Variants in FBXO4 observed in about 807,000 individuals in gnomAD.
FBXO4 encodes the protein F-box only protein 4.
FBXO4 carries 36 observed loss-of-function variants against 43.7 expected under a neutral mutation model. That is an observed-to-expected ratio of 0.82 (90% confidence interval 0.63 to 1.09). The LOEUF is 1.09. FBXO4 is among the 50% of genes least tolerant of loss of function. The pLI, the probability that FBXO4 is intolerant of heterozygous loss-of-function variation, is 0.00. For missense variants in FBXO4, 435 were observed against 474.1 expected (o/e 0.92, Z 0.77); for synonymous variants, 180 against 165.6 (o/e 1.09, Z -0.67).
At chr5:41,945,193 T>C (rs1383496810), downstream of FBXO4, among the ~76,000 whole-genome samples, 1 of 152,224 alleles carries the variant, frequency 6.6e-6, no homozygotes, top group Non-Finnish European at 1.5e-5. Context: ...TAAGAAACTT[T>C]CAATACAACT....
At chr5:42,037,706 C>T in the FBXO4 span, among the ~76,000 whole-genome samples, 8 of 152,106 alleles carry the variant, frequency 5.3e-5, no homozygotes, top group Non-Finnish European at 1.2e-4. Flanking sequence ...CTGACATCCA[C>T]TGGTCTGAAG....
the FBXO4 span, among the ~76,000 whole-genome samples, chr5:41,986,506 T>C: frequency 6.6e-6 from 1 of 152,160 alleles, no homozygotes; most frequent in Non-Finnish European, 1.5e-5. Context: ...CTTTCTTCCA[T>C]TCTGAAACAT....
chr5:41,934,907 T>G (rs1023519010), intron 5 of FBXO4: 44 of 983,110 alleles, frequency 4.5e-5, no homozygotes, highest in Admixed American at 6.0e-5. Context: ...TCCCAAATCC[T>G]TTGTGAACAA....
At chr5:41,953,171 A>G in the FBXO4 span, among the ~76,000 whole-genome samples, 1 of 124,178 alleles carries the variant, frequency 8.1e-6, no homozygotes, top group Non-Finnish European at 1.7e-5. Flanking sequence ...AACAGTCCCC[A>G]GAGTGTGATA....
chr5:41,943,451 C>T (rs1752033593), downstream of FBXO4, among the ~76,000 whole-genome samples: 1 of 152,006 alleles, frequency 6.6e-6, no homozygotes, highest in African/African-American at 2.4e-5. Context: ...ACAATAATAC[C>T]TACCTTGGAC....
In FBXO4 at chr5:41,941,425, A is replaced by G; in HGVS notation, c.*144A>G. On this transcript the variant is annotated 3_prime_UTR_variant, in exon 7 of 7. Coordinates refer to ENST00000281623, the MANE Select transcript of FBXO4 (RefSeq NM_012176.3). ...GACAGCTATAACTGCTGTGTTTTTTATATTATTTTTACTCTTTACCATAAA... is the reference window on the plus strand; with the variant it reads ...GACAGCTATAACTGCTGTGTTTTTTGTATTATTTTTACTCTTTACCATAAA... 2 of 522,082 alleles carry G rather than the reference A, an allele frequency of 3.8e-6. No homozygotes were observed. The highest frequency in any genetic ancestry group is 3.2e-5 in the South Asian group (1 of 30,844). 32.3% of individuals were successfully genotyped at this position (522,082 alleles called of 1,614,324 possible).
chr5:41,994,480 G>GT, the FBXO4 span, among the ~76,000 whole-genome samples: 12 of 152,248 alleles, frequency 7.9e-5, no homozygotes, highest in East Asian at 1.9e-4. Flanking sequence ...GCAGGTCGTG[G>GT]TTTTTTTCCT....
At chr5:41,975,103 T>C in the FBXO4 span, among the ~76,000 whole-genome samples, 17 of 152,196 alleles carry the variant, frequency 1.1e-4, no homozygotes, top group Admixed American at 3.9e-4. Flanking sequence ...GTGGGGTCTA[T>C]GGAGAAAAGG....
chr5:41,996,432 G>A, the FBXO4 span, among the ~76,000 whole-genome samples: 1 of 152,124 alleles, frequency 6.6e-6, no homozygotes, highest in African/African-American at 2.4e-5. Flanking sequence ...AAATCCTAGA[G>A]GCCTCCACTA....
At chr5:41,982,842 A>G in the FBXO4 span, among the ~76,000 whole-genome samples, 1 of 151,980 alleles carries the variant, frequency 6.6e-6, no homozygotes, top group East Asian at 1.9e-4. Flanking sequence ...ACATTAGGTA[A>G]TTCTCCTAAT....
intron 6 of FBXO4, 73 bp from the exon 7 acceptor site, chr5:41,941,119 A>C (rs542860585): frequency 8.7e-7 from 1 of 1,148,688 alleles, no homozygotes; most frequent in African/African-American, 1.5e-5. Context: ...AGTGTCTAGA[A>C]AAATGTCCCT....
the FBXO4 span, among the ~76,000 whole-genome samples, chr5:41,956,497 A>C: frequency 6.6e-6 from 1 of 152,186 alleles, no homozygotes; most frequent in Non-Finnish European, 1.5e-5. Flanking sequence ...GCTGGAGATG[A>C]AGTAAATTCT....
the FBXO4 span, among the ~76,000 whole-genome samples, chr5:41,975,589 G>A: frequency 8.5e-5 from 13 of 152,130 alleles, no homozygotes; most frequent in African/African-American, 3.1e-4. Context: ...GCTAAAAATT[G>A]TACAGAACAA....
chr5:42,017,237 A>G, the FBXO4 span, among the ~76,000 whole-genome samples: 14 of 152,052 alleles, frequency 9.2e-5, no homozygotes, highest in Non-Finnish European at 1.8e-4. Context: ...AAACAAATGC[A>G]AGAAAGAAAA....
the FBXO4 span, among the ~76,000 whole-genome samples, chr5:42,008,896 G>T: frequency 2.6e-5 from 4 of 152,108 alleles, no homozygotes; most frequent in Admixed American, 2.0e-4. Context: ...CCAGGCAAGG[G>T]GTTTCATTCC....
the FBXO4 span, among the ~76,000 whole-genome samples, chr5:41,993,935 C>G: frequency 6.6e-6 from 1 of 152,176 alleles, no homozygotes; most frequent in African/African-American, 2.4e-5. Flanking sequence ...TCTGACTTCC[C>G]CAGCCCATTG....
the FBXO4 span, chr5:41,951,480 T>C: frequency 4.2e-6 from 1 of 240,296 alleles, no homozygotes; most frequent in Non-Finnish European, 8.0e-6. Flanking sequence ...TCACACTAAG[T>C]AGCAGTGAAC....
chr5:41,931,814 G>C (rs935974640), intron 3 of FBXO4, among the ~76,000 whole-genome samples: 1 of 152,152 alleles, frequency 6.6e-6, no homozygotes, highest in Non-Finnish European at 1.5e-5. Context: ...TGGGGGAAGT[G>C]ACTATTAAAT....
Position 41,925,351 on chromosome 5 carries a change from G to A in FBXO4, c.42G>A (p.Pro14=). 2.9e-6 allele frequency: 4 copies of A among 1,367,988 alleles called. No individual in the cohort carries two copies. The highest frequency in any genetic ancestry group is 3.9e-5 in the Admixed American group (1 of 25,434). The allele number at this position is 1,367,988 out of a possible 1,614,324, so 84.7% of individuals were successfully genotyped here. A position where few individuals can be genotyped will look rare whatever the true frequency, so the allele number is the denominator to read the frequency against. The change falls in exon 1 of 7, where the codon CCG becomes CCA. Residue 14 remains proline, a synonymous_variant. Transcript: ENST00000281623. The stretch of plus-strand genomic sequence containing the variant: ...CGCGCAGCGGAACAAACTCGCCGCC[G>A]CCGCCCTTCAGCGACTGGGGCCGCC... ...SEPRSGTNSP[P]PPFSDWGRLE...
Sources: allele counts gnomAD v4.1 joint callset (sites outside exome capture counted in the v4.1 genomes callset), GRCh38; gene constraint gnomAD v4.1.1; transcripts MANE v1.5; gene names NCBI Gene and HGNC (gene_info 2026-07-23, HGNC 2026-07-21).